The following PKHD1L1 variants were observed in gnomAD, a reference collection of about 807,000 sequenced individuals.
The protein encoded by PKHD1L1 is PKHD1 like 1.
Under a neutral mutation model 462.9 loss-of-function variants are expected in PKHD1L1, and 434 were observed. The observed-to-expected ratio is 0.94, with a 90% CI of 0.87 to 1.02. The LOEUF (loss-of-function observed/expected upper bound fraction) is 1.02. Among genes scored for constraint, PKHD1L1 ranks in the 50% least tolerant of loss-of-function variants. The pLI, the probability that PKHD1L1 is intolerant of heterozygous loss-of-function variation, is 0.00. For missense variants in PKHD1L1, 5,202 were observed against 5,096.1 expected, an observed-to-expected ratio of 1.02 and a Z score of -0.63; for synonymous variants, 1,781 against 1,750.0, an observed-to-expected ratio of 1.02 and a Z score of -0.44.
intron 2 of PKHD1L1, among the ~76,000 whole-genome samples, chr8:109,365,990 A>G (rs1267421220): frequency 6.6e-6 from 1 of 152,150 alleles, no homozygotes; most frequent in African/African-American, 2.4e-5. Context: ...AAGAAGAAAA[A>G]AAGAAAACAC....
At chr8:109,507,585 T>A (rs1783153) in intron 68 of PKHD1L1, 78 bp from the exon 69 acceptor site, 3 of 1,225,550 alleles carry the variant, frequency 2.4e-6, no homozygotes, top group Admixed American at 4.4e-5. Context: ...TTTTTGGATA[T>A]CCTCTAAGTA....
chr8:109,489,668 G>A (rs570127092), intron 59 of PKHD1L1, among the ~76,000 whole-genome samples: 3 of 151,924 alleles, frequency 2.0e-5, no homozygotes, highest in South Asian at 2.1e-4. Flanking sequence ...TATTACAATG[G>A]TTTGTGGTCC....
Position 109,532,620 on chromosome 8 carries a change from C to T in PKHD1L1, c.*2530C>T, listed in dbSNP as rs1183606332. Among the ~76,000 whole-genome samples the T allele has an allele frequency of 2.6e-5, 4 of 152,100 alleles. No individual in the cohort carries two copies. Among genetic ancestry groups the T allele is most frequent in the Admixed American group, 2.0e-4 (3 of 15,264 alleles). ...TTCTACCTAAGACCTGAAATGTTGG[C>T]GAAGTAAATATGTTGTTCCAATTTT... On this transcript the variant is annotated 3_prime_UTR_variant, in exon 78 of 78. Transcript: ENST00000378402.
At chr8:109,471,266 C>A (rs1185935803) in intron 50 of PKHD1L1, 1 of 486,252 alleles carries the variant, frequency 2.1e-6, no homozygotes, top group Non-Finnish European at 3.4e-6. Flanking sequence ...TCCAGACTTT[C>A]TTTTTCTACA....
chr8:109,493,378 A>G (rs1249610399), intron 62 of PKHD1L1, among the ~76,000 whole-genome samples: 3 of 151,568 alleles, frequency 2.0e-5, no homozygotes, highest in African/African-American at 7.3e-5. Context: ...TTTAAACCAC[A>G]TTCAGTGGAT....
intron 65 of PKHD1L1, among the ~76,000 whole-genome samples, chr8:109,497,724 C>T (rs1011914224): frequency 6.6e-6 from 1 of 152,106 alleles, no homozygotes; most frequent in Non-Finnish European, 1.5e-5. Flanking sequence ...CCGCACCCAA[C>T]AAAAAAGCTG....
intron 2 of PKHD1L1, among the ~76,000 whole-genome samples, chr8:109,369,624 A>AATAT (rs35538975): frequency 1.1e-3 from 163 of 149,130 alleles, no homozygotes; most frequent in African/African-American, 3.3e-3. Context: ...CTGATAGGAA[A>AATAT]ATATATATAT....
chr8:109,513,885 T>G (rs1820130626), intron 71 of PKHD1L1, among the ~76,000 whole-genome samples: 1 of 152,084 alleles, frequency 6.6e-6, no homozygotes, highest in Non-Finnish European at 1.5e-5. Flanking sequence ...GCCTCCTAAT[T>G]CCTCTTTCTA....
intron 21 of PKHD1L1, 80 bp downstream of exon 21, chr8:109,413,625 G>T: frequency 8.1e-7 from 1 of 1,236,264 alleles, no homozygotes; most frequent in Non-Finnish European, 1.0e-6. Flanking sequence ...CATTTCTTGG[G>T]GTTTTTTGTT....
chr8:109,385,485 A>G (rs964890054), intron 5 of PKHD1L1, 52 bp from the exon 6 acceptor site: 7 of 1,201,824 alleles, frequency 5.8e-6, no homozygotes, highest in Non-Finnish European at 6.0e-6. Context: ...TATTAAGTGT[A>G]TGGATAGATT....
chr8:109,451,297 C>A, intron 41 of PKHD1L1, 148 bp downstream of exon 41: 2 of 828,278 alleles, frequency 2.4e-6, no homozygotes, highest in Non-Finnish European at 3.5e-6. Flanking sequence ...AAAAATAGTA[C>A]TAATTGCTAA....
At position 109,531,799 on chromosome 8, in the gene PKHD1L1, G is replaced by C. The variant is rs1485439792; in HGVS notation, c.*1709G>C. Among the ~76,000 whole-genome samples the C allele has an allele frequency of 6.6e-6, 1 of 152,076 alleles. No homozygotes were observed. Among genetic ancestry groups the C allele is most frequent in the Non-Finnish European group, 1.5e-5 (1 of 68,020 alleles). On this transcript the variant is annotated 3_prime_UTR_variant, in exon 78 of 78. Coordinates refer to ENST00000378402, the MANE Select transcript of PKHD1L1 (RefSeq NM_177531.6). ...TCATTGTACAGCACCAGGTAACAGA[G>C]CACTTTTATACTCCCCTCAGTTCCA...
chr8:109,383,944 T>G, intron 4 of PKHD1L1, 126 bp from the exon 5 acceptor site: 1 of 725,448 alleles, frequency 1.4e-6, no homozygotes, highest in Non-Finnish European at 2.4e-6. Flanking sequence ...TTTAAATATC[T>G]TCTTTCCTAC....
Position 109,451,143 on chromosome 8 carries a change from G to A in PKHD1L1, c.6344G>A (p.Gly2115Glu). Residue 2115 changes from glycine (G) to glutamate (E), a missense_variant, in exon 41 of 78, where the codon GGA becomes GAA. Gly to Glu is a moderately conservative substitution (Grantham distance 98). This residue lies in a region of PKHD1L1 where 4,497 missense variants were observed against 4,336.8 expected (regional missense o/e 1.04). Transcript: ENST00000378402. ...GGTRLTVVGS[G>E]FSENMEDVHI... ...ACCAGACTGACAGTCGTGGGATCAG[G>A]ATTCAGGTACTGTCTCCACACAAAC... is the stretch of plus-strand genomic sequence containing the variant. The A allele has an allele frequency of 6.2e-7, 1 of 1,604,554 alleles. No homozygotes were observed. The highest frequency in any genetic ancestry group is 8.5e-7 in the Non-Finnish European group (1 of 1,174,402).
At chr8:109,444,601 ATTTG>A in intron 37 of PKHD1L1, 56 bp from the exon 38 acceptor site, 1 of 1,439,856 alleles carries the variant, frequency 6.9e-7, no homozygotes, top group East Asian at 2.3e-5. Context: ...CTAATACAAA[ATTTG>A]TTTATACTGG....
In PKHD1L1 at chr8:109,508,015, A is replaced by G. The variant is rs908131129; in HGVS notation, c.11228-82A>G. 13 of 1,489,240 alleles carry G rather than the reference A, an allele frequency of 8.7e-6. No individual in the cohort carries two copies. The African/African-American group carries it at 1.4e-4, about 16-fold the overall frequency. 92.3% of individuals were successfully genotyped at this position (1,489,240 alleles called of 1,614,324 possible). On this transcript the variant is annotated intron_variant, in intron 69 of 77. Coordinates refer to ENST00000378402, the MANE Select transcript of PKHD1L1 (RefSeq NM_177531.6). ...TTTATTTTCTACTTCTTAAACTAGC[A>G]TAACAAGAAATAGATGTTATAAGGA...
chr8:109,484,968 G>C, intron 57 of PKHD1L1, 76 bp from the exon 58 acceptor site: 1 of 1,213,604 alleles, frequency 8.2e-7, no homozygotes, highest in Non-Finnish European at 1.1e-6. Flanking sequence ...AAATTTGAAT[G>C]ATTTAATAAT....
intron 2 of PKHD1L1, among the ~76,000 whole-genome samples, chr8:109,367,138 T>C (rs185092571): frequency 5.3e-5 from 8 of 152,338 alleles, no homozygotes; most frequent in Admixed American, 1.3e-4. Context: ...GGCTTTTGGG[T>C]GCCCATAATA....
At chr8:109,455,925 A>G (rs1229525253) in intron 45 of PKHD1L1, among the ~76,000 whole-genome samples, 1 of 152,164 alleles carries the variant, frequency 6.6e-6, no homozygotes, top group Non-Finnish European at 1.5e-5. Flanking sequence ...CCTACCAATA[A>G]TGACAAAGAC....
Sources: gnomAD v4.1 joint callset for allele counts (sites outside exome capture counted in the v4.1 genomes callset) on GRCh38, gnomAD v4.1.1 for gene constraint, gnomAD v4.1.1 regional missense constraint, MANE v1.5 for transcripts, NCBI Gene and HGNC (gene_info 2026-07-23, HGNC 2026-07-21) for gene names.